The following ACOT9 variants were observed in gnomAD, a reference collection of about 807,000 sequenced individuals.
ACOT9 encodes acyl-CoA thioesterase 9.
ACOT9 carries 34 observed loss-of-function variants against 39.7 expected under a neutral mutation model. The observed-to-expected ratio is 0.86, with a 90% CI of 0.65 to 1.14. The LOEUF is 1.14. Among genes scored for constraint, ACOT9 ranks in the 50% most tolerant of loss-of-function variants. ACOT9 has a pLI of 0.00. For synonymous variants in ACOT9, 110 were observed against 120.5 expected, an observed-to-expected ratio of 0.91 and a Z score of 0.57; for missense variants, 313 against 344.1, an observed-to-expected ratio of 0.91 and a Z score of 0.71.
At chrX:23,731,890 G>A (rs924638713) in intron 4 of ACOT9, among the ~76,000 whole-genome samples, 8 of 112,065 alleles carry the variant, frequency 7.1e-5, no homozygotes, top group Non-Finnish European at 9.4e-5. Flanking sequence ...AGAAAAGAAA[G>A]ACAAGGGGAT....
At chrX:23,705,711 G>A in intron 12 of ACOT9, 57 bp downstream of exon 12, 1 of 1,138,592 alleles carries the variant, frequency 8.8e-7, no homozygotes, top group East Asian at 3.0e-5. Context: ...GTCAAATCTT[G>A]GACAAATATC....
intron 10 of ACOT9, 176 bp from the exon 11 acceptor site, chrX:23,706,915 G>T: frequency 2.6e-6 from 1 of 389,263 alleles, no homozygotes; most frequent in South Asian, 5.3e-5. Context: ...AAATTATATT[G>T]GTTCAGTGTG....
At chrX:23,734,449 G>T in intron 2 of ACOT9, 82 bp from the exon 3 acceptor site, 1 of 832,616 alleles carries the variant, frequency 1.2e-6, no homozygotes, top group Non-Finnish European at 1.7e-6. Context: ...TTCAAATACT[G>T]TGTTGAGTTT....
At chrX:23,742,585 AAAGTT>A (rs765908793) in intron 1 of ACOT9, among the ~76,000 whole-genome samples, 89 of 111,337 alleles carry the variant, frequency 8.0e-4, no homozygotes, top group Non-Finnish European at 1.4e-3. Context: ...GCGGCTCATT[AAAGTT>A]AAGTTCAAAT....
At chrX:23,732,644 A>G (rs1929797578) in intron 4 of ACOT9, among the ~76,000 whole-genome samples, 1 of 111,687 alleles carries the variant, frequency 9.0e-6, no homozygotes, top group South Asian at 3.7e-4. Context: ...ATCTCATTTT[A>G]GCCTCAAAAT....
At chrX:23,712,071 G>A (rs1373995846) in intron 9 of ACOT9, among the ~76,000 whole-genome samples, 2 of 111,543 alleles carry the variant, frequency 1.8e-5, no homozygotes, top group Non-Finnish European at 3.8e-5. Flanking sequence ...AATAGGGGAA[G>A]ACACAACTGT....
At position 23,707,737 on chromosome X, in the gene ACOT9, C is replaced by A. The variant is rs28418558; in HGVS notation, c.730+140G>T. The A allele has an allele frequency of 0.014, 5,410 of 387,439 alleles. 278 individuals carry two copies. In the African/African-American group the frequency reaches 0.14, roughly 10 times the overall value. The allele number at this position is 387,439 out of a possible 1,213,427, so 31.9% of individuals were successfully genotyped here. Reference sequence around the variant, plus strand: ...GGCAAGAGACAGAGAGACTCCATTTCAAAAAAAACAAACAAAAAAACAAAC... The same window carrying A: ...GGCAAGAGACAGAGAGACTCCATTTAAAAAAAAACAAACAAAAAAACAAAC... On this transcript the variant is annotated intron_variant, in intron 10 of 15. Transcript: ENST00000379303.
At chrX:23,723,574 G>T (rs185481042) in intron 6 of ACOT9, among the ~76,000 whole-genome samples, 308 of 89,522 alleles carry the variant, frequency 3.4e-3, no homozygotes, top group Middle Eastern at 0.015. Context: ...CTGCACTCCA[G>T]CCTGGCAACA....
intron 4 of ACOT9, among the ~76,000 whole-genome samples, 187 bp from the exon 5 acceptor site, chrX:23,731,173 C>G (rs1184418244): frequency 8.9e-6 from 1 of 112,107 alleles, no homozygotes; most frequent in East Asian, 2.8e-4. Flanking sequence ...TATCATTTCT[C>G]AAGCTTAAAA....
chrX:23,730,629 A>C, intron 5 of ACOT9, 65 bp from the exon 6 acceptor site: 1 of 1,061,034 alleles, frequency 9.4e-7, no homozygotes, highest in Non-Finnish European at 1.3e-6. Flanking sequence ...AAAATAAATA[A>C]CACACTTCAG....
intron 1 of ACOT9, among the ~76,000 whole-genome samples, chrX:23,738,198 T>C (rs917708647): frequency 1.8e-4 from 20 of 110,440 alleles, no homozygotes; most frequent in African/African-American, 6.6e-4. Context: ...TAATCTGCAT[T>C]TTCTCAGAAC....
chrX:23,741,281 A>G (rs1920961355), intron 1 of ACOT9, among the ~76,000 whole-genome samples: 1 of 109,140 alleles, frequency 9.2e-6, no homozygotes, highest in Admixed American at 9.9e-5. Flanking sequence ...AATTAAAAAT[A>G]TAACTACCAT....
intron 1 of ACOT9, among the ~76,000 whole-genome samples, chrX:23,739,207 G>A (rs374214601): frequency 4.5e-5 from 5 of 110,736 alleles, no homozygotes; most frequent in African/African-American, 1.6e-4. Flanking sequence ...GCGGTGAGCC[G>A]AGATCGTGCC....
chrX:23,737,947 C>T (rs1277166700), intron 1 of ACOT9, among the ~76,000 whole-genome samples: 21 of 106,152 alleles, frequency 2.0e-4, no homozygotes, highest in Non-Finnish European at 4.1e-4. Flanking sequence ...CGGCTCACTG[C>T]AAGCTCTGCC....
At position 23,722,292 on chromosome X, in the gene ACOT9, G is replaced by A. The variant is rs758860315; in HGVS notation, c.485-308C>T. 5.4e-5 allele frequency among the ~76,000 whole-genome samples: 6 copies of A among 111,656 alleles called. No individual in the cohort carries two copies. The South Asian group carries it at 1.1e-3, about 21-fold the overall frequency. On this transcript the variant is annotated intron_variant, in intron 7 of 15. Transcript: ENST00000379303. The stretch of plus-strand genomic sequence containing the variant: ...AAATTCCCCATAAAGGGCTAGGCAC[G>A]GTGGCTCATGCCTGTAATCCCAGCA...
intron 10 of ACOT9, among the ~76,000 whole-genome samples, chrX:23,707,524 T>G (rs1416081399): frequency 1.8e-5 from 2 of 110,732 alleles, no homozygotes; most frequent in African/African-American, 6.6e-5. Context: ...GGATCACGAG[T>G]TCAGGAGATC....
intron 8 of ACOT9, among the ~76,000 whole-genome samples, chrX:23,716,021 G>T (rs747321167): frequency 8.9e-6 from 1 of 111,992 alleles, no homozygotes. Context: ...AGTAGAGTCC[G>T]CAGTGGAAGA....
intron 8 of ACOT9, among the ~76,000 whole-genome samples, chrX:23,716,518 C>T (rs959867460): frequency 1.8e-5 from 2 of 111,824 alleles, no homozygotes; most frequent in African/African-American, 6.5e-5. Flanking sequence ...TGAATACCCA[C>T]TAGTGCCAAG....
At chrX:23,716,514 C>A (rs1320704180) in intron 8 of ACOT9, among the ~76,000 whole-genome samples, 1 of 111,652 alleles carries the variant, frequency 9.0e-6, no homozygotes, top group Admixed American at 9.6e-5. Flanking sequence ...ATCATGAATA[C>A]CCACTAGTGC....
Sources: allele counts gnomAD v4.1 joint callset (sites outside exome capture counted in the v4.1 genomes callset), GRCh38; gene constraint gnomAD v4.1.1; transcripts MANE v1.5; gene names NCBI Gene and HGNC (gene_info 2026-07-23, HGNC 2026-07-21).